The following WWOX variants were observed in gnomAD, a reference collection of about 807,000 sequenced individuals.
The protein encoded by WWOX is WW domain-containing oxidoreductase.
Under a neutral mutation model 46.2 loss-of-function variants are expected in WWOX, and 69 were observed. The observed-to-expected ratio is 1.49, with a 90% CI of 1.23 to 1.82. WWOX has a LOEUF of 1.82. Among genes scored for constraint, WWOX ranks in the 40% most tolerant of loss-of-function variants. The pLI, the probability that WWOX is intolerant of heterozygous loss-of-function variation, is 0.00. For synonymous variants in WWOX, 359 were observed against 202.6 expected, an observed-to-expected ratio of 1.77 and a Z score of -6.56; for missense variants, 919 against 542.6, an observed-to-expected ratio of 1.69 and a Z score of -6.89.
intron 8 of WWOX, among the ~76,000 whole-genome samples, chr16:78,978,401 G>C (rs2046614798): frequency 6.6e-6 from 1 of 152,112 alleles, no homozygotes; most frequent in South Asian, 2.1e-4. Flanking sequence ...TAACTTTTTG[G>C]GGAAATATCA....
Position 78,729,698 on chromosome 16 carries a change from G to A in WWOX, c.1056+296946G>A, listed in dbSNP as rs533010727. ...GCAAAAGAACAAGTTTCTGTTGTGT[G>A]TAGGCACCCAGTTTGTGGTAATTTG... On this transcript the variant is annotated intron_variant, in intron 8 of 8. Transcript: ENST00000566780. Among the ~76,000 whole-genome samples the A allele has an allele frequency of 1.1e-3, 166 of 152,270 alleles. 2 individuals are homozygous for A. The highest frequency in any genetic ancestry group is 1.6e-3 in the Non-Finnish European group (110 of 68,022).
chr16:79,043,899 A>G (rs1385840801), intron 8 of WWOX, among the ~76,000 whole-genome samples: 2 of 152,270 alleles, frequency 1.3e-5, no homozygotes, highest in Admixed American at 1.3e-4. Flanking sequence ...GTTGTAGCAA[A>G]AGTCCAGGGC....
At chr16:78,334,214 C>A (rs1032175930) in intron 5 of WWOX, among the ~76,000 whole-genome samples, 1 of 152,198 alleles carries the variant, frequency 6.6e-6, no homozygotes, top group African/African-American at 2.4e-5. Flanking sequence ...GATACCACAT[C>A]GCTGCCACAA....
intron 5 of WWOX, among the ~76,000 whole-genome samples, chr16:78,386,567 G>A (rs977374039): frequency 2.0e-5 from 3 of 152,042 alleles, no homozygotes; most frequent in African/African-American, 4.8e-5. Flanking sequence ...AGGAGATAAC[G>A]TTAGCCCGAA....
At chr16:79,024,433 AT>A (rs531892558) in intron 8 of WWOX, among the ~76,000 whole-genome samples, 2 of 150,796 alleles carry the variant, frequency 1.3e-5, no homozygotes, top group Non-Finnish European at 1.5e-5. Context: ...TGATTTTTAA[AT>A]TTTTTTTTCT....
intron 5 of WWOX, among the ~76,000 whole-genome samples, chr16:78,324,439 C>T (rs890190471): frequency 6.6e-6 from 1 of 151,884 alleles, no homozygotes; most frequent in Non-Finnish European, 1.5e-5. Flanking sequence ...CTCCTAGGTA[C>T]GTATCAAAGA....
At chr16:78,627,384 A>G (rs2046334304) in intron 8 of WWOX, among the ~76,000 whole-genome samples, 1 of 152,172 alleles carries the variant, frequency 6.6e-6, no homozygotes, top group Admixed American at 6.5e-5. Context: ...AACTTGGGCG[A>G]TTCAGTTTTA....
At chr16:78,206,212 C>A (rs530845168) in intron 5 of WWOX, among the ~76,000 whole-genome samples, 28 of 151,994 alleles carry the variant, frequency 1.8e-4, no homozygotes, top group African/African-American at 6.8e-4. Context: ...ATGCTAAATT[C>A]TTTGAAGTTA....
chr16:78,322,798 G>C (rs962037679), intron 5 of WWOX, among the ~76,000 whole-genome samples: 2 of 152,188 alleles, frequency 1.3e-5, no homozygotes, highest in Non-Finnish European at 2.9e-5. Flanking sequence ...CCACAGCACA[G>C]GAGCAGCCAT....
At chr16:78,544,698 C>G (rs1177235448) in intron 8 of WWOX, among the ~76,000 whole-genome samples, 2 of 150,626 alleles carry the variant, frequency 1.3e-5, no homozygotes, top group Non-Finnish European at 3.0e-5. Flanking sequence ...CAGAGCCAGA[C>G]CATCCATCTC....
intron 5 of WWOX, chr16:78,167,136 CTTCTT>C (rs2035000428): frequency 6.6e-6 from 1 of 152,208 alleles, no homozygotes; most frequent in Non-Finnish European, 1.5e-5. Context: ...AATTTATCCT[CTTCTT>C]TTCTGAGAAC....
intron 8 of WWOX, among the ~76,000 whole-genome samples, chr16:79,029,116 A>G (rs1033608408): frequency 7.9e-5 from 12 of 152,186 alleles, no homozygotes; most frequent in African/African-American, 2.7e-4. Context: ...GTATCTCAGG[A>G]TAGCAACAGG....
At chr16:78,528,413 A>G (rs1314330081) in intron 8 of WWOX, among the ~76,000 whole-genome samples, 2 of 151,898 alleles carry the variant, frequency 1.3e-5, no homozygotes, top group Non-Finnish European at 2.9e-5. Flanking sequence ...ACCAAAGCCC[A>G]TCCAGAAAGT....
intron 8 of WWOX, among the ~76,000 whole-genome samples, chr16:78,445,060 G>A (rs1293769030): frequency 6.6e-6 from 1 of 152,138 alleles, no homozygotes; most frequent in Non-Finnish European, 1.5e-5. Context: ...TAATCGTGTA[G>A]TGAGCCAGGT....
intron 8 of WWOX, among the ~76,000 whole-genome samples, chr16:78,998,926 C>T (rs2047041552): frequency 6.6e-6 from 1 of 152,146 alleles, no homozygotes; most frequent in South Asian, 2.1e-4. Context: ...TATAAATGTC[C>T]CAAATGCCAG....
In WWOX at chr16:78,373,475, T is replaced by C. The variant is rs373020244; in HGVS notation, c.517-13385T>C. On this transcript the variant is annotated intron_variant, in intron 5 of 8. Coordinates refer to ENST00000566780, the MANE Select transcript of WWOX (RefSeq NM_016373.4). ...ACATTCTCTTCTGCTCAGTGACCAT[T>C]AGTGGAAATGTAAATATCTCACCTC... Among the ~76,000 whole-genome samples, 10 of 152,296 alleles carry C rather than the reference T, an allele frequency of 6.6e-5. No individual in the cohort carries two copies. The East Asian group carries it at 7.7e-4, about 12-fold the overall frequency.
At chr16:79,051,224 C>T (rs1014880190) in intron 8 of WWOX, among the ~76,000 whole-genome samples, 9 of 152,166 alleles carry the variant, frequency 5.9e-5, no homozygotes, top group African/African-American at 2.2e-4. Flanking sequence ...TGTTGCCTTG[C>T]TGTGGGAAGG....
At position 78,386,623 on chromosome 16, in the gene WWOX, A is replaced by AC. The variant is rs955443516; in HGVS notation, c.517-230dup. On this transcript the variant is annotated intron_variant, in intron 5 of 8. Coordinates refer to ENST00000566780, the MANE Select transcript of WWOX (RefSeq NM_016373.4). ...GCGCGGCTGAAACACAGCACAACCC[A>AC]CCCCCCCGCCCCACCCCCCAGCCTG... is the stretch of plus-strand genomic sequence containing the variant. Among the ~76,000 whole-genome samples the AC allele has an allele frequency of 3.7e-4, 26 of 69,616 alleles. No homozygotes were observed. In the East Asian group the frequency reaches 0.01, roughly 27 times the overall value. The allele number at this position is 69,616 out of a possible 152,430, so 45.7% of individuals were successfully genotyped here. A position where few individuals can be genotyped will look rare whatever the true frequency, so the allele number is the denominator to read the frequency against.
chr16:78,273,088 T>G lies in WWOX; in HGVS notation c.516+108799T>G, dbSNP rs181467749. On this transcript the variant is annotated intron_variant, in intron 5 of 8. Transcript: ENST00000566780. ...TTTCCACTCTTCTAATTCTGGGCAT[T>G]ATATCTTTGTCAGAGATAGAGTCTT... Among the ~76,000 whole-genome samples, 6 of 152,336 alleles carry G rather than the reference T, an allele frequency of 3.9e-5. No individual in the cohort carries two copies. In the East Asian group the frequency reaches 1.2e-3, roughly 29 times the overall value.
Sources: allele counts gnomAD v4.1 joint callset (sites outside exome capture counted in the v4.1 genomes callset), GRCh38; gene constraint gnomAD v4.1.1; transcripts MANE v1.5; gene names NCBI Gene and HGNC (gene_info 2026-07-23, HGNC 2026-07-21).